KLHL29: variants seen among roughly 807,000 people sequenced by gnomAD.
KLHL29 encodes kelch like family member 29.
In KLHL29, 21 loss-of-function variants were observed where a neutral mutation model predicts 80.4. That is an observed-to-expected ratio of 0.26 (90% CI 0.19 to 0.38). The LOEUF (loss-of-function observed/expected upper bound fraction) is 0.38. Among genes scored for constraint, KLHL29 ranks in the 10% least tolerant of loss-of-function variants. The pLI, the probability that KLHL29 is intolerant of heterozygous loss-of-function variation, is 1.00. For synonymous variants in KLHL29, 511 were observed against 526.8 expected, an observed-to-expected ratio of 0.97 and a Z score of 0.41; for missense variants, 867 against 1,223.9, an observed-to-expected ratio of 0.71 and a Z score of 4.35.
intron 2 of KLHL29, among the ~76,000 whole-genome samples, chr2:23,534,201 T>C (rs925981913): frequency 2.6e-5 from 4 of 152,284 alleles, no homozygotes; most frequent in East Asian, 1.9e-4. Context: ...AGACCTGGTG[T>C]TGAATCCAGG....
In KLHL29 at chr2:23,684,584, G is replaced by C; in HGVS notation, c.1079+47G>C. The C allele has an allele frequency of 6.8e-7, 1 of 1,479,760 alleles. No homozygotes were observed. The allele number at this position is 1,479,760 out of a possible 1,614,324, so 91.7% of individuals were successfully genotyped here. ...GGTCGGGTCTGTTCCTTTGTAGGAC[G>C]CTTTTGTGTCGCTTTTCTCTTCCCC... is the stretch of plus-strand genomic sequence containing the variant. On this transcript the variant is annotated intron_variant, in intron 6 of 13. Coordinates refer to ENST00000486442, the MANE Select transcript of KLHL29 (RefSeq NM_052920.2). This position sits in a 1 kb window ranked among gnomAD's most constrained non-coding sequence, Gnocchi z 4.4.
chr2:23,415,867 A>G (rs1666974182), intron 1 of KLHL29, among the ~76,000 whole-genome samples: 1 of 151,872 alleles, frequency 6.6e-6, no homozygotes, highest in Non-Finnish European at 1.5e-5. Flanking sequence ...CCCTGTATAT[A>G]TTTTTTAATT....
In KLHL29 at chr2:23,703,221, C is replaced by T. The variant is rs1277717526; in HGVS notation, c.2141C>T (p.Ala714Val). ...DTITNQWEAVAPLPKAVHSAA... is the reference protein window; with the variant it reads ...DTITNQWEAVVPLPKAVHSAA... ...ATCACCAACCAATGGGAGGCGGTGGCCCCTCTGCCCAAGGCAGTACACTCT... is the reference window on the plus strand; with the variant it reads ...ATCACCAACCAATGGGAGGCGGTGGTCCCTCTGCCCAAGGCAGTACACTCT... The change falls in exon 12 of 14, where the codon GCC (alanine) becomes GTC (valine). Residue 714 changes from alanine (A) to valine (V), a missense_variant. By Grantham distance (64) the Ala-to-Val change is moderately conservative. Coordinates refer to ENST00000486442, the MANE Select transcript of KLHL29 (RefSeq NM_052920.2). 6.8e-7 allele frequency: 1 copy of T among 1,475,778 alleles called. No individual in the cohort carries two copies. Among genetic ancestry groups the T allele is most frequent in the Non-Finnish European group, 9.0e-7 (1 of 1,110,372 alleles). The allele number at this position is 1,475,778 out of a possible 1,614,324, so 91.4% of individuals were successfully genotyped here.
chr2:23,556,363 G>T (rs188254062), intron 2 of KLHL29, among the ~76,000 whole-genome samples: 1 of 152,244 alleles, frequency 6.6e-6, no homozygotes, highest in African/African-American at 2.4e-5. Context: ...AGGAGGCCAG[G>T]CATGGTGGCT....
chr2:23,545,628 A>G (rs1244892819), intron 2 of KLHL29, among the ~76,000 whole-genome samples: 1 of 152,164 alleles, frequency 6.6e-6, no homozygotes, highest in Admixed American at 6.5e-5. Context: ...TCATAGTGAA[A>G]TTTGCCAGGC....
chr2:23,420,507 G>A (rs1320306930), intron 1 of KLHL29, among the ~76,000 whole-genome samples: 1 of 152,168 alleles, frequency 6.6e-6, no homozygotes, highest in Non-Finnish European at 1.5e-5. Flanking sequence ...TCAGGGCCCT[G>A]CTCACAAAGC....
intron 5 of KLHL29, among the ~76,000 whole-genome samples, chr2:23,678,201 C>T (rs867619190): frequency 2.6e-5 from 4 of 152,334 alleles, no homozygotes; most frequent in East Asian, 1.9e-4. Context: ...CTTCACTCTC[C>T]TCTAGGCAAA....
At chr2:23,413,324 C>T (rs1204094837) in intron 1 of KLHL29, among the ~76,000 whole-genome samples, 1 of 152,140 alleles carries the variant, frequency 6.6e-6, no homozygotes, top group African/African-American at 2.4e-5. Context: ...CCAGCCATTT[C>T]CATCCTGACT....
intron 2 of KLHL29, among the ~76,000 whole-genome samples, chr2:23,554,809 A>G (rs997655925): frequency 6.6e-6 from 1 of 152,136 alleles, no homozygotes; most frequent in African/African-American, 2.4e-5. Flanking sequence ...CTCATGAATT[A>G]TTCATGGTGA....
At chr2:23,546,429 A>G (rs563313978) in intron 2 of KLHL29, among the ~76,000 whole-genome samples, 1 of 152,282 alleles carries the variant, frequency 6.6e-6, no homozygotes, top group African/African-American at 2.4e-5. Flanking sequence ...GGAGTGAATC[A>G]TTTATATCAA....
rs1475811133 is a variant in KLHL29 at position 23,385,441 on chromosome 2, C to A, written c.-493C>A. 1 of 160,148 alleles carries A rather than the reference C, an allele frequency of 6.2e-6. No homozygotes were observed. The highest frequency in any genetic ancestry group is 1.4e-5 in the Non-Finnish European group (1 of 69,958). The allele number at this position is 160,148 out of a possible 1,614,324, so 9.9% of individuals were successfully genotyped here. A position where few individuals can be genotyped will look rare whatever the true frequency, so the allele number is the denominator to read the frequency against. On this transcript the variant is annotated 5_prime_UTR_variant, in exon 1 of 14. The change creates a new upstream start codon in the 5' untranslated region. Coordinates refer to ENST00000486442, the MANE Select transcript of KLHL29 (RefSeq NM_052920.2). ...CTGCGGGGAGAGGGCGGGGGCGATG[C>A]TGCCGGAGCCGCCGCCGCCGCCGCC... is the stretch of plus-strand genomic sequence containing the variant.
rs1400399969 is a variant in KLHL29, at chr2:23,596,826, CA to C, written c.285+34346del. ...ATAAATAAATAAGGGATTCCTGGTA[CA>C]TACTTTACCCATTTTTCAGATTTTC... On this transcript the variant is annotated intron_variant, in intron 3 of 13. Coordinates refer to ENST00000486442, the MANE Select transcript of KLHL29 (RefSeq NM_052920.2). This position sits in a 1 kb window ranked among gnomAD's most constrained non-coding sequence, Gnocchi z 4.4. Among the ~76,000 whole-genome samples, 1 of 152,188 alleles carries C rather than the reference CA, an allele frequency of 6.6e-6. No homozygotes were observed. Among genetic ancestry groups the C allele is most frequent in the Non-Finnish European group, 1.5e-5 (1 of 68,038 alleles).
At chr2:23,394,580 C>G (rs140452907) in intron 1 of KLHL29, among the ~76,000 whole-genome samples, 52 of 152,266 alleles carry the variant, frequency 3.4e-4, no homozygotes, top group African/African-American at 1.2e-3. Flanking sequence ...CACCTGCCTA[C>G]CTATGGAGAA....
At chr2:23,645,068 C>G (rs529253987) in intron 5 of KLHL29, among the ~76,000 whole-genome samples, 1 of 152,136 alleles carries the variant, frequency 6.6e-6, no homozygotes, top group Non-Finnish European at 1.5e-5. Context: ...GAAAGAGTGA[C>G]GCACGCGCCT....
At chr2:23,435,592 G>C (rs764454488) in intron 1 of KLHL29, among the ~76,000 whole-genome samples, 2 of 152,198 alleles carry the variant, frequency 1.3e-5, no homozygotes, top group African/African-American at 2.4e-5. Context: ...GCGGTTGCAC[G>C]TAAATCAATT....
At chr2:23,478,788 C>T (rs945611914) in intron 2 of KLHL29, among the ~76,000 whole-genome samples, 1 of 152,132 alleles carries the variant, frequency 6.6e-6, no homozygotes, top group Non-Finnish European at 1.5e-5. Flanking sequence ...GGCCGTTTGT[C>T]CCCCTGCCCT....
chr2:23,486,294 GCA>G (rs891599040), intron 2 of KLHL29, among the ~76,000 whole-genome samples: 1 of 152,050 alleles, frequency 6.6e-6, no homozygotes. Flanking sequence ...CTCCTGATCA[GCA>G]CACAGTGTCC....
chr2:23,562,164 T>C lies in KLHL29; in HGVS notation c.-33T>C, dbSNP rs1667462463. On this transcript the variant is annotated 5_prime_UTR_variant, in exon 3 of 14. Transcript: ENST00000486442. The surrounding 1 kb of genome is among the most constrained non-coding windows in gnomAD (Gnocchi z 4.5). Reference sequence around the variant, plus strand: ...CCTGTCACCACAGGTCCGGGCTCTGTTTCCCTGTGAGAAGCCGCCTCGGCC... The same window carrying C: ...CCTGTCACCACAGGTCCGGGCTCTGCTTCCCTGTGAGAAGCCGCCTCGGCC... 3 of 1,549,212 alleles carry C rather than the reference T, an allele frequency of 1.9e-6. No individual in the cohort carries two copies. In the East Asian group the frequency reaches 7.3e-5, roughly 38 times the overall value.
intron 3 of KLHL29, among the ~76,000 whole-genome samples, chr2:23,566,529 C>G (rs1667594051): frequency 6.6e-6 from 1 of 152,230 alleles, no homozygotes; most frequent in African/African-American, 2.4e-5. Context: ...CAGCTGATAG[C>G]AAGCAAGAGA....
Sources: allele counts gnomAD v4.1 joint callset (sites outside exome capture counted in the v4.1 genomes callset), GRCh38; gene constraint gnomAD v4.1.1; non-coding constraint Gnocchi (gnomAD v3.1); transcripts MANE v1.5; gene names NCBI Gene and HGNC (gene_info 2026-07-23, HGNC 2026-07-21).